CPNE8: variants seen among roughly 807,000 people sequenced by gnomAD.
CPNE8 encodes copine-8.
In CPNE8, 45 loss-of-function variants were observed where a neutral mutation model predicts 81.5. The observed-to-expected ratio is 0.55, with a 90% CI of 0.44 to 0.71. The LOEUF is 0.71. Ranked by LOEUF, CPNE8 falls within the 30% of genes least tolerant of loss-of-function variation. The probability of loss-of-function intolerance (pLI) is 0.00; values close to 1 mark genes in which losing one functional copy is unlikely to be tolerated. For missense variants in CPNE8, 594 were observed against 672.1 expected, an observed-to-expected ratio of 0.88 and a Z score of 1.28; for synonymous variants, 252 against 226.3, an observed-to-expected ratio of 1.11 and a Z score of -1.02.
chr12:38,806,108 T>C (rs1592107898), intron 6 of CPNE8, among the ~76,000 whole-genome samples: 1 of 150,292 alleles, frequency 6.7e-6, no homozygotes, highest in Admixed American at 6.6e-5. Context: ...GTGGCAATAA[T>C]CAATAGCTTA....
At chr12:38,686,908 C>T (rs1939546740) in intron 15 of CPNE8, among the ~76,000 whole-genome samples, 1 of 152,180 alleles carries the variant, frequency 6.6e-6, no homozygotes, top group Non-Finnish European at 1.5e-5. Flanking sequence ...CACATCATTA[C>T]TCCTACTTTA....
intron 6 of CPNE8, among the ~76,000 whole-genome samples, chr12:38,795,901 A>ATAGATAGATAGG (rs1555160622): frequency 2.2e-5 from 1 of 45,046 alleles, no homozygotes. Context: ...AGATAGATAG[A>ATAGATAGATAGG]AGATAGATAA....
chr12:38,803,363 C>G (rs986129271), intron 6 of CPNE8, among the ~76,000 whole-genome samples: 7 of 139,960 alleles, frequency 5.0e-5, no homozygotes, highest in African/African-American at 1.8e-4. Context: ...ATACGCAAAT[C>G]AATAAATGTA....
Position 38,883,767 on chromosome 12 carries a change from G to T in CPNE8, c.99-9256C>A, listed in dbSNP as rs187356464. The stretch of plus-strand genomic sequence containing the variant: ...GAAGAACTCAAAACAGTCACACAGT[G>T]TACTCCATCAGTTTAATCAACTTCC... On this transcript the variant is annotated intron_variant, in intron 1 of 19. Coordinates refer to ENST00000331366, the MANE Select transcript of CPNE8 (RefSeq NM_153634.3). Among the ~76,000 whole-genome samples, 386 of 152,342 alleles carry T rather than the reference G, an allele frequency of 2.5e-3. 9 individuals are homozygous for T. Among genetic ancestry groups the T allele is most frequent in the Admixed American group, 0.024 (373 of 15,302 alleles).
chr12:38,789,548 T>G (rs1462668221), intron 6 of CPNE8, among the ~76,000 whole-genome samples: 1 of 151,614 alleles, frequency 6.6e-6, no homozygotes, highest in Non-Finnish European at 1.5e-5. Flanking sequence ...TGAGCAAAAA[T>G]TTCTTAGGTA....
chr12:38,785,116 A>G (rs370314711), intron 6 of CPNE8, among the ~76,000 whole-genome samples: 3 of 151,534 alleles, frequency 2.0e-5, no homozygotes, highest in African/African-American at 7.3e-5. Context: ...AATCGCTTGA[A>G]CCCAGGAGGA....
chr12:38,874,845 A>C (rs1419982794), intron 1 of CPNE8, among the ~76,000 whole-genome samples: 4 of 152,162 alleles, frequency 2.6e-5, no homozygotes, highest in African/African-American at 9.6e-5. Flanking sequence ...CTTCATTAAG[A>C]ATATAAAGGT....
rs201488052 is a variant in CPNE8, at chr12:38,808,169, T to G, written c.407+21210A>C. 1.2e-3 allele frequency among the ~76,000 whole-genome samples: 177 copies of G among 152,228 alleles called. No homozygotes were observed. The East Asian group carries it at 0.013, about 11-fold the overall frequency. On this transcript the variant is annotated intron_variant, in intron 6 of 19. Coordinates refer to ENST00000331366, the MANE Select transcript of CPNE8 (RefSeq NM_153634.3). Reference sequence around the variant, plus strand: ...CACTGTTGGTGGGACTGTAAACTAGTTCAACCATTGTGGAAGTCAGCGTGG... The same window carrying G: ...CACTGTTGGTGGGACTGTAAACTAGGTCAACCATTGTGGAAGTCAGCGTGG...
At chr12:38,716,757 A>G (rs1437848763) in intron 13 of CPNE8, among the ~76,000 whole-genome samples, 4 of 152,168 alleles carry the variant, frequency 2.6e-5, no homozygotes, top group African/African-American at 9.6e-5. Context: ...AGAACCCAAA[A>G]CCAAATGCAA....
intron 12 of CPNE8, 121 bp from the exon 13 acceptor site, chr12:38,723,954 T>C: frequency 1.6e-6 from 1 of 643,234 alleles, no homozygotes; most frequent in Non-Finnish European, 2.8e-6. Flanking sequence ...ATATTATTTT[T>C]TATTAACATC....
At chr12:38,736,221 G>A (rs1940949422) in intron 10 of CPNE8, among the ~76,000 whole-genome samples, 1 of 101,214 alleles carries the variant, frequency 9.9e-6, no homozygotes, top group Non-Finnish European at 2.2e-5. Flanking sequence ...GTGTATATAT[G>A]TGTGTGTGTG....
chr12:38,786,637 T>C (rs1019362195), intron 6 of CPNE8, among the ~76,000 whole-genome samples: 33 of 152,126 alleles, frequency 2.2e-4, no homozygotes, highest in South Asian at 6.2e-4. Flanking sequence ...TAGAGGACCC[T>C]GATTAATACA....
rs374684341 is a variant in CPNE8, at chr12:38,796,793, CAAAG to C, written c.408-20496_408-20493del. ...TGGTCAGGGAGTTCCCTTTCCTAGT[CAAAG>C]AAAGGGGTGACAGGCGGCACCTGGA... On this transcript the variant is annotated intron_variant, in intron 6 of 19. Transcript: ENST00000331366. Among the ~76,000 whole-genome samples the C allele has an allele frequency of 9.4e-3, 1,427 of 152,246 alleles. 20 individuals are homozygous for C. The highest frequency in any genetic ancestry group is 0.04 in the South Asian group (195 of 4,826).
intron 3 of CPNE8, among the ~76,000 whole-genome samples, chr12:38,853,203 T>C (rs1196110707): frequency 6.6e-6 from 1 of 152,216 alleles, no homozygotes; most frequent in East Asian, 1.9e-4. Context: ...TAATGTCTTA[T>C]GCTACTAAAT....
chr12:38,775,724 T>C (rs1941918945), intron 7 of CPNE8, among the ~76,000 whole-genome samples: 1 of 152,188 alleles, frequency 6.6e-6, no homozygotes, highest in African/African-American at 2.4e-5. Context: ...TCTGTAGTCA[T>C]ACTGCTAGCT....
chr12:38,871,230 G>C (rs946322208), intron 3 of CPNE8, among the ~76,000 whole-genome samples: 12 of 152,232 alleles, frequency 7.9e-5, no homozygotes, highest in Admixed American at 7.8e-4. Flanking sequence ...TTTTGTTGTT[G>C]TCCTTCTTCA....
rs528796246 is a variant in CPNE8 at position 38,670,860 on chromosome 12, G to C, written c.1433-58C>G. 147 of 1,252,450 alleles carry C rather than the reference G, an allele frequency of 1.2e-4. 3 individuals carry two copies. The South Asian group carries it at 1.8e-3, about 16-fold the overall frequency. The allele number at this position is 1,252,450 out of a possible 1,614,324, so 77.6% of individuals were successfully genotyped here. On this transcript the variant is annotated intron_variant, in intron 18 of 19. Transcript: ENST00000331366. ...CATTTTAGCCAAATACTAAAACAAT[G>C]TGGACAACAAGGAAATCAAGATGTA...
intron 6 of CPNE8, among the ~76,000 whole-genome samples, chr12:38,786,070 C>T (rs1942179025): frequency 6.6e-6 from 1 of 151,954 alleles, no homozygotes; most frequent in Non-Finnish European, 1.5e-5. Context: ...TCAATAATAA[C>T]ACTAAATGCA....
rs1171428127 is a variant in CPNE8, at chr12:38,717,460, C to CAT, written c.914+6311_914+6312insAT. Among the ~76,000 whole-genome samples the CAT allele has an allele frequency of 8.6e-4, 37 of 43,160 alleles. 1 individual carries two copies. In the East Asian group the frequency reaches 0.011, roughly 13 times the overall value. The allele number at this position is 43,160 out of a possible 152,430, so 28.3% of individuals were successfully genotyped here. ...ATATATATATATATATATATATATA[C>CAT]ACCATGGAATACTACTCAGTCATTA... On this transcript the variant is annotated intron_variant, in intron 13 of 19. Transcript: ENST00000331366.
Sources: allele counts gnomAD v4.1 joint callset (sites outside exome capture counted in the v4.1 genomes callset), GRCh38; gene constraint gnomAD v4.1.1; transcripts MANE v1.5; gene names NCBI Gene and HGNC (gene_info 2026-07-23, HGNC 2026-07-21).